The following ZNRF1 variants were observed in gnomAD, a reference collection of about 807,000 sequenced individuals.
ZNRF1 encodes the protein zinc and ring finger 1, also known as E3 ubiquitin-protein ligase ZNRF1.
A neutral mutation model predicts 18.4 loss-of-function variants in ZNRF1; 3 were observed. The ratio of observed to expected loss-of-function variants is 0.16; its 90% CI spans 0.07 to 0.42. The LOEUF is 0.42. ZNRF1 is among the 10% of genes least tolerant of loss of function. The probability of loss-of-function intolerance (pLI) is 0.99; values close to 1 mark genes in which losing one functional copy is unlikely to be tolerated. For synonymous variants in ZNRF1, 157 were observed against 144.2 expected (o/e 1.09, Z -0.64); for missense variants, 310 against 329.8 (o/e 0.94, Z 0.47).
rs369917679 is a variant in ZNRF1 at position 75,057,908 on chromosome 16, TG to T, written c.425-35660del. Among the ~76,000 whole-genome samples, 19 of 152,290 alleles carry T rather than the reference TG, an allele frequency of 1.2e-4. 2 individuals are homozygous for T. Among genetic ancestry groups the T allele is most frequent in the South Asian group, 1.2e-3 (6 of 4,828 alleles). On this transcript the variant is annotated intron_variant, in intron 1 of 4. Coordinates refer to ENST00000335325, the MANE Select transcript of ZNRF1 (RefSeq NM_032268.5). ...CACCTGCCTCAGCCTCCCAAAGTGC[TG>T]GGGTTTACAGGCGTGAGCCACCACG...
intron 1 of ZNRF1, among the ~76,000 whole-genome samples, chr16:75,056,620 A>G (rs1260951698): frequency 6.6e-6 from 1 of 152,026 alleles, no homozygotes; most frequent in Non-Finnish European, 1.5e-5. Context: ...GGTTCATGGA[A>G]AAACCTTTTT....
At chr16:75,003,132 T>G (rs1201346028) in intron 1 of ZNRF1, among the ~76,000 whole-genome samples, 1 of 152,200 alleles carries the variant, frequency 6.6e-6, no homozygotes, top group Non-Finnish European at 1.5e-5. Context: ...TTGGGGCTAA[T>G]TTTGTTTTTT....
chr16:75,099,544 A>C (rs2036233391), intron 2 of ZNRF1, among the ~76,000 whole-genome samples: 1 of 152,208 alleles, frequency 6.6e-6, no homozygotes, highest in Admixed American at 6.5e-5. Flanking sequence ...TCCCTTGGGC[A>C]GTGACATTGG....
Position 74,999,900 on chromosome 16 carries a change from CG to C in ZNRF1, c.233del (p.Gly78AlafsTer85). 1 of 1,544,356 alleles carries C rather than the reference CG, an allele frequency of 6.5e-7. No homozygotes were observed. On this transcript the variant is annotated frameshift_variant, in exon 1 of 5. Coordinates refer to ENST00000335325, the MANE Select transcript of ZNRF1 (RefSeq NM_032268.5). LOFTEE classifies it high-confidence loss of function. ...CTTTGGCCTCTACACCCCCGCCTCC[CG>C]GGGCACCGGCGACTCCGAGAGGGCG... is the stretch of plus-strand genomic sequence containing the variant. ...VPFGLYTPAS[R>X]GTGDSERAPG...
At chr16:75,076,106 A>AT (rs772573072) in intron 1 of ZNRF1, among the ~76,000 whole-genome samples, 1 of 152,220 alleles carries the variant, frequency 6.6e-6, no homozygotes, top group Non-Finnish European at 1.5e-5. Flanking sequence ...GGAGGGCCTG[A>AT]TTCAGTTTTC....
chr16:75,071,128 C>A (rs1288461055), intron 1 of ZNRF1, among the ~76,000 whole-genome samples: 4 of 145,542 alleles, frequency 2.7e-5, no homozygotes, highest in Non-Finnish European at 6.0e-5. Context: ...GAGACTGAGT[C>A]TTGCTCTGTC....
intron 1 of ZNRF1, among the ~76,000 whole-genome samples, chr16:75,011,756 A>G (rs977088169): frequency 6.6e-6 from 1 of 152,236 alleles, no homozygotes; most frequent in Non-Finnish European, 1.5e-5. Flanking sequence ...GAGCCCAGTC[A>G]TGTTGGCTGT....
intron 1 of ZNRF1, among the ~76,000 whole-genome samples, chr16:75,087,335 G>T (rs1489788602): frequency 6.6e-6 from 1 of 152,218 alleles, no homozygotes; most frequent in Non-Finnish European, 1.5e-5. Flanking sequence ...ACAGTAAGAG[G>T]TCACAGATGG....
chr16:75,030,563 A>G (rs1405776759), intron 1 of ZNRF1, among the ~76,000 whole-genome samples: 1 of 152,168 alleles, frequency 6.6e-6, no homozygotes, highest in Non-Finnish European at 1.5e-5. Context: ...CAACAGCACA[A>G]GCAACACAAG....
intron 1 of ZNRF1, among the ~76,000 whole-genome samples, chr16:75,032,372 G>A (rs959223269): frequency 2.0e-5 from 3 of 152,068 alleles, no homozygotes; most frequent in Non-Finnish European, 4.4e-5. Flanking sequence ...GCCTCCCAAA[G>A]TGCTGGGATT....
intron 1 of ZNRF1, among the ~76,000 whole-genome samples, chr16:75,068,022 T>C (rs1297478442): frequency 6.6e-6 from 1 of 152,024 alleles, no homozygotes; most frequent in Non-Finnish European, 1.5e-5. Context: ...AAAAAACTAT[T>C]ATTATAAAAA....
intron 1 of ZNRF1, among the ~76,000 whole-genome samples, chr16:75,041,424 G>T (rs1447241157): frequency 1.3e-5 from 2 of 152,044 alleles, no homozygotes; most frequent in African/African-American, 2.4e-5. Flanking sequence ...CTGCCTCCTG[G>T]GTTCAAGTGA....
chr16:75,061,188 T>C (rs2035739521), intron 1 of ZNRF1, among the ~76,000 whole-genome samples: 1 of 152,186 alleles, frequency 6.6e-6, no homozygotes, highest in African/African-American at 2.4e-5. Flanking sequence ...TTTTAAAATA[T>C]GCAATTAAGT....
At chr16:75,067,361 C>A (rs1237780189) in intron 1 of ZNRF1, among the ~76,000 whole-genome samples, 1 of 152,036 alleles carries the variant, frequency 6.6e-6, no homozygotes, top group Admixed American at 6.6e-5. Context: ...CCCCATGTCT[C>A]GATAGAGGAG....
chr16:75,049,626 G>A (rs761178128), intron 1 of ZNRF1, among the ~76,000 whole-genome samples: 11 of 152,146 alleles, frequency 7.2e-5, no homozygotes, highest in Admixed American at 2.0e-4. Flanking sequence ...GCGAAACTCC[G>A]TCTCTACAAA....
In ZNRF1 at chr16:75,000,046, G is replaced by C. The variant is rs145915331; in HGVS notation, c.375G>C (p.Ala125=). The C allele has an allele frequency of 5.0e-6, 8 of 1,600,016 alleles. No homozygotes were observed. The South Asian group carries it at 6.8e-5, about 14-fold the overall frequency. ...ACCTGGGCTCCCGAGCCTCGCTGGCGGATGCTCTACCTCTGCACATCGCAC... is the reference window on the plus strand; with the variant it reads ...ACCTGGGCTCCCGAGCCTCGCTGGCCGATGCTCTACCTCTGCACATCGCAC... ...MLYLGSRASL[A]DALPLHIAPR... is the part of the protein sequence containing the mutation. The change falls in exon 1 of 5, where the codon GCG becomes GCC. Residue 125 remains alanine, a synonymous_variant. Transcript: ENST00000335325.
At chr16:75,054,645 T>A (rs2035646565) in intron 1 of ZNRF1, among the ~76,000 whole-genome samples, 1 of 152,248 alleles carries the variant, frequency 6.6e-6, no homozygotes, top group African/African-American at 2.4e-5. Context: ...ATTTAATAAT[T>A]TAGCAATCAG....
At chr16:75,064,482 G>A (rs1481329535) in intron 1 of ZNRF1, among the ~76,000 whole-genome samples, 1 of 151,836 alleles carries the variant, frequency 6.6e-6, no homozygotes, top group Non-Finnish European at 1.5e-5. Flanking sequence ...TTTGAGCCCG[G>A]GGTGCAGAGG....
At chr16:75,079,109 G>C (rs1299528215) in intron 1 of ZNRF1, among the ~76,000 whole-genome samples, 1 of 152,174 alleles carries the variant, frequency 6.6e-6, no homozygotes, top group Non-Finnish European at 1.5e-5. Flanking sequence ...GCCTTGAGTA[G>C]AAGTCATTCA....
Sources: gnomAD v4.1 joint callset for allele counts (sites outside exome capture counted in the v4.1 genomes callset) on GRCh38, gnomAD v4.1.1 for gene constraint, MANE v1.5 for transcripts, NCBI Gene and HGNC (gene_info 2026-07-23, HGNC 2026-07-21) for gene names.